Variants in LCLAT1 observed in about 807,000 individuals in gnomAD.
The protein encoded by LCLAT1 is 1-AGP acyltransferase 8.
Under a neutral mutation model 30.7 loss-of-function variants are expected in LCLAT1, and 11 were observed. That is an observed-to-expected ratio of 0.36 (90% confidence interval 0.23 to 0.59). The LOEUF (loss-of-function observed/expected upper bound fraction) is 0.59. LCLAT1 is among the 20% of genes least tolerant of loss of function. The pLI, the probability that LCLAT1 is intolerant of heterozygous loss-of-function variation, is 0.77. For missense variants in LCLAT1, 402 were observed against 458.6 expected (o/e 0.88, Z 1.13); for synonymous variants, 155 against 151.3 (o/e 1.02, Z -0.18).
chr2:30,557,721 A>G (rs1664994092), intron 3 of LCLAT1, among the ~76,000 whole-genome samples: 1 of 152,086 alleles, frequency 6.6e-6, no homozygotes, highest in South Asian at 2.1e-4. Context: ...TGCCCACATC[A>G]AATTTTTAAT....
intron 5 of LCLAT1, among the ~76,000 whole-genome samples, chr2:30,602,416 G>T (rs948046824): frequency 3.9e-5 from 6 of 152,156 alleles, no homozygotes; most frequent in African/African-American, 1.4e-4. Flanking sequence ...TTTTCAGGAA[G>T]CCAGCCTTTG....
intron 5 of LCLAT1, among the ~76,000 whole-genome samples, chr2:30,598,249 C>T (rs956072360): frequency 5.3e-5 from 8 of 151,962 alleles, no homozygotes; most frequent in South Asian, 2.1e-4. Context: ...TGGTAGAATT[C>T]GGCTGTAAAT....
chr2:30,638,237 A>T (rs1669127358), intron 5 of LCLAT1, among the ~76,000 whole-genome samples: 1 of 152,244 alleles, frequency 6.6e-6, no homozygotes, highest in African/African-American at 2.4e-5. Context: ...TGTTCAGTGG[A>T]AAGGGTAAAT....
chr2:30,543,021 G>C (rs1572600915), intron 3 of LCLAT1, among the ~76,000 whole-genome samples: 1 of 150,128 alleles, frequency 6.7e-6, no homozygotes, highest in Admixed American at 6.6e-5. Context: ...GAAGTGTTGA[G>C]GGCAGACATC....
intron 1 of LCLAT1, among the ~76,000 whole-genome samples, chr2:30,470,317 A>G (rs1682710901): frequency 6.6e-6 from 1 of 152,226 alleles, no homozygotes; most frequent in African/African-American, 2.4e-5. Context: ...GTAATTACAA[A>G]AAAGACAAGT....
chr2:30,558,464 G>C (rs1219762234), intron 3 of LCLAT1, among the ~76,000 whole-genome samples: 2 of 152,016 alleles, frequency 1.3e-5, no homozygotes, highest in African/African-American at 2.4e-5. Context: ...GCCGGGCATG[G>C]TGGCATGTGC....
intron 1 of LCLAT1, among the ~76,000 whole-genome samples, chr2:30,496,347 A>G (rs1233232908): frequency 6.6e-6 from 1 of 152,214 alleles, no homozygotes; most frequent in Admixed American, 6.5e-5. Flanking sequence ...GGGTAGTGCC[A>G]GCTCACTGTA....
intron 1 of LCLAT1, among the ~76,000 whole-genome samples, chr2:30,511,092 T>G (rs144342150): frequency 1.3e-5 from 2 of 152,292 alleles, no homozygotes; most frequent in African/African-American, 4.8e-5. Flanking sequence ...AGAAGTCTCA[T>G]TATCTGTTCC....
At chr2:30,483,672 G>T (rs1407988233) in intron 1 of LCLAT1, among the ~76,000 whole-genome samples, 1 of 151,986 alleles carries the variant, frequency 6.6e-6, no homozygotes, top group Non-Finnish European at 1.5e-5. Context: ...ATACATTTTG[G>T]TTGAGCTATA....
intron 1 of LCLAT1, among the ~76,000 whole-genome samples, chr2:30,490,682 C>G (rs1379792483): frequency 6.6e-6 from 1 of 152,224 alleles, no homozygotes; most frequent in Non-Finnish European, 1.5e-5. Context: ...ATTTTGAACT[C>G]ATAAATTATA....
chr2:30,484,268 G>T (rs1683460685), intron 1 of LCLAT1, among the ~76,000 whole-genome samples: 1 of 152,134 alleles, frequency 6.6e-6, no homozygotes, highest in African/African-American at 2.4e-5. Flanking sequence ...AATAGAATGT[G>T]CTAAAGGTTC....
At chr2:30,558,978 C>T (rs1303142230) in intron 3 of LCLAT1, among the ~76,000 whole-genome samples, 1 of 152,122 alleles carries the variant, frequency 6.6e-6, no homozygotes. Flanking sequence ...GTATATTGGT[C>T]TACAGTGGTA....
intron 1 of LCLAT1, among the ~76,000 whole-genome samples, chr2:30,518,555 A>C (rs1685306759): frequency 6.6e-6 from 1 of 152,218 alleles, no homozygotes; most frequent in Non-Finnish European, 1.5e-5. Flanking sequence ...GCCCAAGGCC[A>C]TGCAATAGCC....
At chr2:30,554,173 G>C (rs1332469493) in intron 3 of LCLAT1, among the ~76,000 whole-genome samples, 1 of 152,194 alleles carries the variant, frequency 6.6e-6, no homozygotes, top group Admixed American at 6.5e-5. Flanking sequence ...CATGGATATT[G>C]CTACCACTTC....
chr2:30,577,093 A>G (rs1666023082), intron 5 of LCLAT1, among the ~76,000 whole-genome samples: 1 of 149,190 alleles, frequency 6.7e-6, no homozygotes, highest in Non-Finnish European at 1.5e-5. Context: ...TATATGTTAT[A>G]TAAAATTATA....
intron 1 of LCLAT1, among the ~76,000 whole-genome samples, chr2:30,507,627 G>A (rs1684733934): frequency 6.7e-6 from 1 of 149,844 alleles, no homozygotes; most frequent in African/African-American, 2.4e-5. Context: ...CCATGTTCCT[G>A]CAAAGGACAT....
At chr2:30,544,306 C>T (rs1664292385) in intron 3 of LCLAT1, among the ~76,000 whole-genome samples, 1 of 152,186 alleles carries the variant, frequency 6.6e-6, no homozygotes, top group Non-Finnish European at 1.5e-5. Flanking sequence ...TTAACTCCAT[C>T]ATGCTAGAAA....
At chr2:30,631,661 G>A (rs1668777140) in intron 5 of LCLAT1, among the ~76,000 whole-genome samples, 1 of 152,162 alleles carries the variant, frequency 6.6e-6, no homozygotes, top group Non-Finnish European at 1.5e-5. Flanking sequence ...AATGCATTAT[G>A]TGAAAAATAT....
intron 5 of LCLAT1, among the ~76,000 whole-genome samples, chr2:30,582,284 A>G (rs1327695601): frequency 1.3e-5 from 2 of 151,844 alleles, no homozygotes; most frequent in Admixed American, 1.3e-4. Context: ...TGTAACAGAT[A>G]TACTTCAATC....
Sources: gnomAD v4.1 joint callset for allele counts (sites outside exome capture counted in the v4.1 genomes callset) on GRCh38, gnomAD v4.1.1 for gene constraint, MANE v1.5 for transcripts, NCBI Gene and HGNC (gene_info 2026-07-23, HGNC 2026-07-21) for gene names.